Variants in ATP9A observed in about 807,000 individuals in gnomAD.
The protein encoded by ATP9A is probable phospholipid-transporting ATPase IIA.
ATP9A carries 52 observed loss-of-function variants against 144.1 expected under a neutral mutation model. That is an observed-to-expected ratio of 0.36 (90% CI 0.29 to 0.45). ATP9A has a LOEUF of 0.45. Ranked by LOEUF, ATP9A falls within the 20% of genes least tolerant of loss-of-function variation. The pLI, the probability that ATP9A is intolerant of heterozygous loss-of-function variation, is 1.00. For missense variants in ATP9A, 947 were observed against 1,392.7 expected (o/e 0.68, Z 5.09); for synonymous variants, 582 against 557.4 (o/e 1.04, Z -0.62).
chr20:51,723,111 G>A (rs1438266861), intron 3 of ATP9A, among the ~76,000 whole-genome samples: 1 of 152,186 alleles, frequency 6.6e-6, no homozygotes, highest in Non-Finnish European at 1.5e-5. Context: ...TGACCTGGAT[G>A]AGACTGGAGA....
At chr20:51,609,094 C>T (rs1357303194) in intron 24 of ATP9A, among the ~76,000 whole-genome samples, 1 of 151,932 alleles carries the variant, frequency 6.6e-6, no homozygotes, top group Admixed American at 6.6e-5. Context: ...GGCACTGAGG[C>T]GGGAGTGGCT....
At chr20:51,688,272 T>C (rs1422168718) in intron 9 of ATP9A, among the ~76,000 whole-genome samples, 1 of 152,156 alleles carries the variant, frequency 6.6e-6, no homozygotes, top group Admixed American at 6.6e-5. Context: ...GCCCATGCAG[T>C]CCTGATCAGT....
chr20:51,616,662 C>G (rs2077204184), intron 22 of ATP9A, among the ~76,000 whole-genome samples: 1 of 152,138 alleles, frequency 6.6e-6, no homozygotes. Context: ...ATCTTCTTGC[C>G]TCTTGTCATT....
At position 51,622,076 on chromosome 20, in the gene ATP9A, G is replaced by C. The variant is rs1297124148; in HGVS notation, c.2113C>G (p.Leu705Val). Residue 705 changes from leucine (L) to valine (V), a missense_variant and splice_region_variant, in exon 19 of 28, where the codon CTG becomes GTG. By Grantham distance (32) the Leu-to-Val change is conservative. Transcript: ENST00000338821. Reference sequence around the variant, plus strand: ...CCCTAACGCAGAGGACACTTTACCAGCCGAAAAACGTGGATGTCTTGGTTT... The same window carrying C: ...CCCTAACGCAGAGGACACTTTACCACCCGAAAAACGTGGATGTCTTGGTTT... ...TRNQDIHVFR[L>V]VTNRGEAHLE... The C allele has an allele frequency of 6.2e-7, 1 of 1,613,974 alleles. No individual in the cohort carries two copies. The highest frequency in any genetic ancestry group is 1.6e-4 in the Middle Eastern group (1 of 6,062).
chr20:51,653,129 G>A (rs1282878416), intron 14 of ATP9A, among the ~76,000 whole-genome samples: 1 of 148,694 alleles, frequency 6.7e-6, no homozygotes, highest in Non-Finnish European at 1.5e-5. Context: ...AACAACCACA[G>A]CAAAAAGGTA....
At chr20:51,615,717 C>A (rs562248081) in intron 22 of ATP9A, among the ~76,000 whole-genome samples, 5 of 152,318 alleles carry the variant, frequency 3.3e-5, no homozygotes, top group African/African-American at 1.2e-4. Context: ...CTCACTGCAA[C>A]CTCTGCCTCC....
intron 11 of ATP9A, among the ~76,000 whole-genome samples, chr20:51,672,997 G>C (rs1321766453): frequency 6.6e-6 from 1 of 152,200 alleles, no homozygotes; most frequent in African/African-American, 2.4e-5. Flanking sequence ...TTGGTAGTGA[G>C]AGCAGAGGTG....
In ATP9A at chr20:51,604,839, C is replaced by G; in HGVS notation, c.2985G>C (p.Leu995=). The G allele has an allele frequency of 6.5e-7, 1 of 1,538,652 alleles. No homozygotes were observed. The highest frequency in any genetic ancestry group is 8.8e-7 in the Non-Finnish European group (1 of 1,140,352). ...TACCGATGAACTCGTGTAAGAACAC[C>G]AGGGAGGCGATGTAGCAGGCCAGGC... ...LLSLACYIAS[L]VFLHEFIDVY... The change falls in exon 27 of 28, where the codon CTG becomes CTC. Residue 995 remains leucine (L), a synonymous_variant. Transcript: ENST00000338821.
intron 21 of ATP9A, 35 bp from the exon 22 acceptor site, chr20:51,617,589 T>C (rs1426739495): frequency 1.2e-6 from 2 of 1,601,276 alleles, no homozygotes; most frequent in Non-Finnish European, 8.5e-7. Context: ...AAAAGATGTT[T>C]CATTCTTACC....
At position 51,598,338 on chromosome 20, in the gene ATP9A, G is replaced by A. The variant is rs2077127940; in HGVS notation, c.*2873C>T. The A allele has an allele frequency of 6.6e-6, 1 of 152,102 alleles. No homozygotes were observed. 9.4% of individuals were successfully genotyped at this position (152,102 alleles called of 1,614,324 possible). The stretch of plus-strand genomic sequence containing the variant: ...GCAGAAATAGCTAGTGTTGTCAGAG[G>A]GCGCAGGGAGCTGTGAGTTTTGCTT... On this transcript the variant is annotated 3_prime_UTR_variant, in exon 28 of 28. Transcript: ENST00000338821.
In ATP9A at chr20:51,670,093, G is replaced by A. The variant is rs748475140; in HGVS notation, c.1197C>T (p.Asn399=). 14 of 1,613,948 alleles carry A rather than the reference G, an allele frequency of 8.7e-6. No homozygotes were observed. The East Asian group carries it at 1.3e-4, about 15-fold the overall frequency. Residue 399 remains asparagine (N), a synonymous_variant, in exon 13 of 28, where the codon AAC becomes AAT. Coordinates refer to ENST00000338821, the MANE Select transcript of ATP9A (RefSeq NM_006045.3). ...GATGGAGCCGTTTGAAAATCATCTC[G>A]TTCTGGGTAAGAGTGCCTAAAACAC... ...LTDKTGTLTQ[N]EMIFKRLHLG... is the part of the protein sequence containing the mutation.
chr20:51,639,600 C>T, intron 14 of ATP9A, 96 bp from the exon 15 acceptor site: 1 of 1,306,260 alleles, frequency 7.7e-7, no homozygotes, highest in Non-Finnish European at 1.0e-6. Flanking sequence ...GGCTCAGAGA[C>T]AGGGGAATCA....
intron 21 of ATP9A, among the ~76,000 whole-genome samples, chr20:51,617,813 T>A (rs1250743918): frequency 6.6e-6 from 1 of 152,140 alleles, no homozygotes; most frequent in East Asian, 1.9e-4. Context: ...CACATAGGCA[T>A]TTACCACCAC....
intron 5 of ATP9A, among the ~76,000 whole-genome samples, chr20:51,696,378 T>C: frequency 6.6e-6 from 1 of 152,216 alleles, no homozygotes; most frequent in East Asian, 1.9e-4. Context: ...CCTATCAAAA[T>C]CTTATCTTGG....
rs149185041 is a variant in ATP9A at position 51,726,111 on chromosome 20, G to A, written c.214-179C>T. 5.3e-4 allele frequency among the ~76,000 whole-genome samples: 81 copies of A among 152,026 alleles called. No individual in the cohort carries two copies. The East Asian group carries it at 0.013, about 24-fold the overall frequency. ...AGCGGATCACCTGAGGTCAGGATTCGAGACCAGCCTGACCAACATGGCGAA... is the reference window on the plus strand; with the variant it reads ...AGCGGATCACCTGAGGTCAGGATTCAAGACCAGCCTGACCAACATGGCGAA... On this transcript the variant is annotated intron_variant, in intron 2 of 27. Transcript: ENST00000338821.
intron 3 of ATP9A, among the ~76,000 whole-genome samples, chr20:51,724,984 T>C (rs1319258291): frequency 6.6e-6 from 1 of 152,188 alleles, no homozygotes; most frequent in Non-Finnish European, 1.5e-5. Flanking sequence ...TTGGGGGACA[T>C]CTGTGCCATC....
At chr20:51,765,872 G>A (rs1231236553) in intron 1 of ATP9A, among the ~76,000 whole-genome samples, 2 of 151,968 alleles carry the variant, frequency 1.3e-5, no homozygotes, top group South Asian at 2.1e-4. Context: ...CAGAAGAATC[G>A]CTTGAACCCA....
chr20:51,676,006 G>A (rs191307887), intron 10 of ATP9A, 126 bp downstream of exon 10: 241 of 653,844 alleles, frequency 3.7e-4, no homozygotes, highest in Non-Finnish European at 5.7e-4. Context: ...ACACACATAT[G>A]CATAAAAAGA....
At chr20:51,604,379 C>T (rs1259414577) in intron 27 of ATP9A, among the ~76,000 whole-genome samples, 10 of 152,164 alleles carry the variant, frequency 6.6e-5, no homozygotes, top group Non-Finnish European at 1.5e-4. Context: ...CTCAGGAGCT[C>T]TATCAGGACA....
Sources: allele counts gnomAD v4.1 joint callset (sites outside exome capture counted in the v4.1 genomes callset), GRCh38; gene constraint gnomAD v4.1.1; transcripts MANE v1.5; gene names NCBI Gene and HGNC (gene_info 2026-07-23, HGNC 2026-07-21).